The following TBCD variants were observed in gnomAD, a reference collection of about 807,000 sequenced individuals.
TBCD encodes tubulin folding cofactor D.
In TBCD, 105 loss-of-function variants were observed where a neutral mutation model predicts 169.3. The observed-to-expected ratio is 0.62, with a 90% CI of 0.53 to 0.73. The LOEUF is 0.73. TBCD is among the 30% of genes least tolerant of loss of function. The probability of loss-of-function intolerance (pLI) is 0.00; values close to 1 mark genes in which losing one functional copy is unlikely to be tolerated. For missense variants in TBCD, 1,444 were observed against 1,600.1 expected, an observed-to-expected ratio of 0.90 and a Z score of 1.66; for synonymous variants, 700 against 643.9, an observed-to-expected ratio of 1.09 and a Z score of -1.32.
In TBCD at chr17:82,903,097, C is replaced by G. The variant is rs549467793; in HGVS notation, c.1731-308C>G. The stretch of plus-strand genomic sequence containing the variant: ...TGGTTTCACGTGGCTCTATCTCACA[C>G]TCACAACCTCAGAGTAGCGTGGGGG... On this transcript the variant is annotated intron_variant, in intron 18 of 38. Transcript: ENST00000355528. The surrounding 1 kb of genome is among the most constrained non-coding windows in gnomAD (Gnocchi z 4.8). Among the ~76,000 whole-genome samples the G allele has an allele frequency of 6.6e-6, 1 of 152,310 alleles. No individual in the cohort carries two copies. Among genetic ancestry groups the G allele is most frequent in the African/African-American group, 2.4e-5 (1 of 41,574 alleles).
In TBCD at chr17:82,942,801, C is replaced by T; in HGVS notation, c.*338C>T. 1 of 419,136 alleles carries T rather than the reference C, an allele frequency of 2.4e-6. No individual in the cohort carries two copies. The highest frequency in any genetic ancestry group is 4.8e-5 in the East Asian group (1 of 20,714). The allele number at this position is 419,136 out of a possible 1,614,324, so 26.0% of individuals were successfully genotyped here. On this transcript the variant is annotated 3_prime_UTR_variant, in exon 39 of 39. Transcript: ENST00000355528. ...AGAGGGGAGGTGGGCTGCACTCCTC[C>T]TGCCTGGAGACCAGGCCCCCTTCTT...
intron 37 of TBCD, among the ~76,000 whole-genome samples, chr17:82,940,231 A>ACACACACT (rs1568109705): frequency 2.6e-4 from 40 of 151,780 alleles, no homozygotes; most frequent in Non-Finnish European, 2.2e-4. Context: ...GCACACACAC[A>ACACACACT]CACACACACA....
At chr17:82,764,120 G>C in intron 3 of TBCD, 58 bp downstream of exon 3, 3 of 1,315,788 alleles carry the variant, frequency 2.3e-6, no homozygotes, top group Admixed American at 4.1e-5. Context: ...ACTTGGTCCA[G>C]AGGTTACCCT....
At chr17:82,895,659 C>T (rs953386627) in intron 17 of TBCD, among the ~76,000 whole-genome samples, 1 of 152,036 alleles carries the variant, frequency 6.6e-6, no homozygotes, top group Non-Finnish European at 1.5e-5. Flanking sequence ...GTTGCCAGGG[C>T]ATTACAGAGG....
At chr17:82,787,071 C>T (rs1305838315) in intron 7 of TBCD, among the ~76,000 whole-genome samples, 1 of 152,146 alleles carries the variant, frequency 6.6e-6, no homozygotes, top group Non-Finnish European at 1.5e-5. Flanking sequence ...CCAAGTTCCA[C>T]GTTGAGGTGG....
At chr17:82,940,203 A>G (rs2062997679) in intron 37 of TBCD, among the ~76,000 whole-genome samples, 1 of 121,108 alleles carries the variant, frequency 8.3e-6, no homozygotes. Flanking sequence ...GCTCACACAC[A>G]TGCTCACTTG....
At chr17:82,870,414 C>G (rs371667508) in intron 14 of TBCD, 34 bp downstream of exon 14, 1 of 1,600,276 alleles carries the variant, frequency 6.2e-7, no homozygotes, top group East Asian at 2.2e-5. Flanking sequence ...TCGGATGCGC[C>G]GTGCCCCCTG....
intron 7 of TBCD, among the ~76,000 whole-genome samples, chr17:82,783,793 G>A (rs1389827807): frequency 2.6e-5 from 4 of 152,052 alleles, no homozygotes; most frequent in East Asian, 1.9e-4. Context: ...TACAAATTAC[G>A]CTGTGAAGAA....
chr17:82,804,793 T>C (rs1488615023), intron 9 of TBCD, among the ~76,000 whole-genome samples: 1 of 152,176 alleles, frequency 6.6e-6, no homozygotes, highest in Non-Finnish European at 1.5e-5. Flanking sequence ...ACACCCCGTG[T>C]GAGAGGAACG....
intron 13 of TBCD, among the ~76,000 whole-genome samples, chr17:82,829,065 A>G (rs1355960220): frequency 7.2e-6 from 1 of 139,662 alleles, no homozygotes; most frequent in Non-Finnish European, 1.6e-5. Flanking sequence ...GCACACACCC[A>G]CAGATAGCAC....
chr17:82,758,661 C>CTTTTTTTTTTTTTTT (rs745351441), intron 2 of TBCD, among the ~76,000 whole-genome samples: 55 of 94,606 alleles, frequency 5.8e-4, no homozygotes, highest in African/African-American at 1.0e-3. Flanking sequence ...TTTTTTTTTT[C>CTTTTTTTTTTTTTTT]TTTTTTTTTT....
rs111882171 is a variant in TBCD, at chr17:82,794,114, C to T, written c.772-3643C>T. Among the ~76,000 whole-genome samples, 123 of 152,294 alleles carry T rather than the reference C, an allele frequency of 8.1e-4. 2 individuals are homozygous for T. The Middle Eastern group carries it at 0.01, about 13-fold the overall frequency. On this transcript the variant is annotated intron_variant, in intron 7 of 38. Transcript: ENST00000355528. ...TGTGGGGGCCCTTCTCCCAGGGCCT[C>T]GGGTGGAGTTGCTTTTCTTGGCCTA...
In TBCD at chr17:82,845,353, C is replaced by T. The variant is rs554612040; in HGVS notation, c.1319-24871C>T. On this transcript the variant is annotated intron_variant, in intron 13 of 38. Transcript: ENST00000355528. ...TCTGTCCTGTCTGGCCTGGCCCCTT[C>T]CTCTCTGTCCATCCTGTCTGGCTCG... Among the ~76,000 whole-genome samples, 4 of 150,420 alleles carry T rather than the reference C, an allele frequency of 2.7e-5. No individual in the cohort carries two copies. The East Asian group carries it at 7.9e-4, about 30-fold the overall frequency.
chr17:82,893,387 T>C (rs572839658), intron 16 of TBCD, among the ~76,000 whole-genome samples, 160 bp from the exon 17 acceptor site: 42 of 152,322 alleles, frequency 2.8e-4, no homozygotes, highest in Non-Finnish European at 5.0e-4. Flanking sequence ...GACGTGGAAG[T>C]CCTCGGCGAG....
At position 82,930,387 on chromosome 17, in the gene TBCD, T is replaced by C; in HGVS notation, c.2992-135T>C. The C allele has an allele frequency of 2.2e-6, 3 of 1,348,320 alleles. No individual in the cohort carries two copies. Among genetic ancestry groups the C allele is most frequent in the South Asian group, 3.0e-5 (2 of 66,726 alleles). 83.5% of individuals were successfully genotyped at this position (1,348,320 alleles called of 1,614,324 possible). ...CCGTGCTGGCGTCCGCACCAGCCGC[T>C]TGGGGCCAGACCTTCGCGTCTCTGC... On this transcript the variant is annotated intron_variant, in intron 32 of 38. Coordinates refer to ENST00000355528, the MANE Select transcript of TBCD (RefSeq NM_005993.5). This position sits in a 1 kb window ranked among gnomAD's most constrained non-coding sequence, Gnocchi z 5.2.
chr17:82,760,546 C>T (rs1361735912), intron 2 of TBCD, among the ~76,000 whole-genome samples: 1 of 152,060 alleles, frequency 6.6e-6, no homozygotes, highest in East Asian at 1.9e-4. Flanking sequence ...TTGCTGATGT[C>T]TAGTGAAGAT....
chr17:82,844,992 T>TG (rs532104500), intron 13 of TBCD, among the ~76,000 whole-genome samples: 149 of 148,666 alleles, frequency 1.0e-3, no homozygotes, highest in African/African-American at 3.0e-3. Context: ...ACACCAGAGG[T>TG]GGGGGGTGCT....
intron 9 of TBCD, among the ~76,000 whole-genome samples, chr17:82,801,710 C>T (rs796934557): frequency 1.2e-4 from 10 of 82,598 alleles, no homozygotes; most frequent in South Asian, 4.3e-4. Context: ...TTGTGTGGCT[C>T]GGAGTCAGCG....
At chr17:82,909,175 C>A in intron 21 of TBCD, 110 bp from the exon 22 acceptor site, 1 of 899,612 alleles carries the variant, frequency 1.1e-6, no homozygotes, top group Non-Finnish European at 1.7e-6. Context: ...TCCTGGCTGG[C>A]ATGGCATCTT....
Sources: allele counts gnomAD v4.1 joint callset (sites outside exome capture counted in the v4.1 genomes callset), GRCh38; gene constraint gnomAD v4.1.1; non-coding constraint Gnocchi (gnomAD v3.1); transcripts MANE v1.5; gene names NCBI Gene and HGNC (gene_info 2026-07-23, HGNC 2026-07-21).